KCNQ2: variants seen among roughly 807,000 people sequenced by gnomAD.
KCNQ2 encodes potassium voltage-gated channel subfamily KQT member 2.
Under a neutral mutation model 84.8 loss-of-function variants are expected in KCNQ2, and 14 were observed. That is an observed-to-expected ratio of 0.17 (90% CI 0.11 to 0.26). The LOEUF (loss-of-function observed/expected upper bound fraction) is 0.26. Ranked by LOEUF, KCNQ2 falls within the 10% of genes least tolerant of loss-of-function variation. The probability of loss-of-function intolerance (pLI) is 1.00; values close to 1 mark genes in which losing one functional copy is unlikely to be tolerated. For missense variants in KCNQ2, 788 were observed against 1,254.0 expected, an observed-to-expected ratio of 0.63 and a Z score of 5.61; for synonymous variants, 599 against 554.1, an observed-to-expected ratio of 1.08 and a Z score of -1.14.
chr20:63,442,291 G>C, intron 5 of KCNQ2, 115 bp downstream of exon 5: 1 of 1,270,854 alleles, frequency 7.9e-7, no homozygotes, highest in Non-Finnish European at 1.1e-6. Flanking sequence ...CGGGCAGCCA[G>C]CAGGTGGCCC....
Position 63,446,839 on chromosome 20 carries a change from TG to T in KCNQ2, c.297-3del, listed in dbSNP as rs2145790004. 1 of 1,613,250 alleles carries T rather than the reference TG, an allele frequency of 6.2e-7. No homozygotes were observed. The highest frequency in any genetic ancestry group is 8.5e-7 in the Non-Finnish European group (1 of 1,179,820). The stretch of plus-strand genomic sequence containing the variant: ...AGGCAGGAGAAAACCAGGAGGAACC[TG>T]GGGGCAGGGAACGCGCGCTCTCAGA... On this transcript the variant is annotated splice_region_variant and splice_polypyrimidine_tract_variant and intron_variant, in intron 1 of 16. Coordinates refer to ENST00000359125, the MANE Select transcript of KCNQ2 (RefSeq NM_172107.4). This position sits in a 1 kb window ranked among gnomAD's most constrained non-coding sequence, Gnocchi z 5.5.
At chr20:63,419,276 G>A (rs1044078690) in intron 12 of KCNQ2, among the ~76,000 whole-genome samples, 2 of 152,202 alleles carry the variant, frequency 1.3e-5, no homozygotes, top group African/African-American at 4.8e-5. Context: ...CGCAGCAGAG[G>A]TGCTAGAGTG....
rs972798613 is a variant in KCNQ2 at position 63,425,867 on chromosome 20, A to G, written c.1218-1661T>C. Among the ~76,000 whole-genome samples, 4 of 152,226 alleles carry G rather than the reference A, an allele frequency of 2.6e-5. No individual in the cohort carries two copies. Among genetic ancestry groups the G allele is most frequent in the Non-Finnish European group, 4.4e-5 (3 of 68,040 alleles). ...TCCTCCATGCATGGGCTTGTGAACT[A>G]GAAAACAAGCCATCTGCTTAAAGTA... On this transcript the variant is annotated intron_variant, in intron 10 of 16. Coordinates refer to ENST00000359125, the MANE Select transcript of KCNQ2 (RefSeq NM_172107.4). This position sits in a 1 kb window ranked among gnomAD's most constrained non-coding sequence, Gnocchi z 5.5.
At chr20:63,413,660 T>C in intron 14 of KCNQ2, 79 bp from the exon 15 acceptor site, 1 of 1,548,906 alleles carries the variant, frequency 6.5e-7, no homozygotes, top group Non-Finnish European at 8.9e-7. Context: ...CTAGCACCTC[T>C]GAGACCTCGG....
intron 1 of KCNQ2, among the ~76,000 whole-genome samples, chr20:63,454,052 A>G (rs991634061): frequency 3.3e-5 from 5 of 152,200 alleles, no homozygotes; most frequent in African/African-American, 1.2e-4. Flanking sequence ...GGCATCTCAG[A>G]GCATTCCAGA....
intron 4 of KCNQ2, among the ~76,000 whole-genome samples, chr20:63,443,018 ACCAC>A (rs2081264385): frequency 1.1e-5 from 1 of 93,072 alleles, no homozygotes; most frequent in African/African-American, 4.4e-5. Context: ...CACCATCACC[ACCAC>A]CATCACATCA....
chr20:63,469,551 T>C (rs2082159148), intron 1 of KCNQ2, among the ~76,000 whole-genome samples: 1 of 152,240 alleles, frequency 6.6e-6, no homozygotes. Context: ...AGACAGTGGC[T>C]ACCCCGGGTC....
Position 63,400,784 on chromosome 20 carries a change from T to C in KCNQ2, c.*5860A>G. On this transcript the variant is annotated 3_prime_UTR_variant, in exon 17 of 17. Transcript: ENST00000359125. The surrounding 1 kb of genome is among the most constrained non-coding windows in gnomAD (Gnocchi z 8.7). ...AGCGGGACCACCAGCTCTGGGCGCCTCAGTGCGAGACCCCTCCGTGAGACC... is the reference window on the plus strand; with the variant it reads ...AGCGGGACCACCAGCTCTGGGCGCCCCAGTGCGAGACCCCTCCGTGAGACC... 2.5e-6 allele frequency: 1 copy of C among 398,402 alleles called. No homozygotes were observed. 24.7% of individuals were successfully genotyped at this position (398,402 alleles called of 1,614,324 possible).
chr20:63,465,925 C>T (rs562461260), intron 1 of KCNQ2, among the ~76,000 whole-genome samples: 2 of 152,328 alleles, frequency 1.3e-5, no homozygotes, highest in East Asian at 3.9e-4. Flanking sequence ...CTGAGGCGTC[C>T]CGGCGGGTCC....
intron 7 of KCNQ2, among the ~76,000 whole-genome samples, chr20:63,436,663 G>T (rs943756105): frequency 4.6e-5 from 7 of 152,038 alleles, no homozygotes; most frequent in Non-Finnish European, 1.0e-4. Flanking sequence ...GTGATTGTTA[G>T]TATTTTTTTA....
At chr20:63,453,350 C>T (rs1049828699) in intron 1 of KCNQ2, among the ~76,000 whole-genome samples, 1 of 152,190 alleles carries the variant, frequency 6.6e-6, no homozygotes, top group African/African-American at 2.4e-5. Flanking sequence ...GGTGCCGAGG[C>T]CCAGGCAGAC....
chr20:63,431,299 A>G, intron 9 of KCNQ2, 41 bp downstream of exon 9: 1 of 1,609,660 alleles, frequency 6.2e-7, no homozygotes. Context: ...CAGAACTAGA[A>G]CCACACACAC....
rs967377821 is a variant in KCNQ2 at position 63,400,951 on chromosome 20, A to T, written c.*5693T>A. 1.3e-5 allele frequency: 5 copies of T among 397,970 alleles called. No homozygotes were observed. The highest frequency in any genetic ancestry group is 2.2e-5 in the Non-Finnish European group (5 of 225,708). 24.7% of individuals were successfully genotyped at this position (397,970 alleles called of 1,614,324 possible). Reference sequence around the variant, plus strand: ...AGGGAGTTCCTGTCCACATGCATTAAGGCAACGACTTTGTAAAACCCAGGC... The same window carrying T: ...AGGGAGTTCCTGTCCACATGCATTATGGCAACGACTTTGTAAAACCCAGGC... On this transcript the variant is annotated 3_prime_UTR_variant, in exon 17 of 17. Coordinates refer to ENST00000359125, the MANE Select transcript of KCNQ2 (RefSeq NM_172107.4). The surrounding 1 kb of genome is among the most constrained non-coding windows in gnomAD (Gnocchi z 8.7).
intron 1 of KCNQ2, among the ~76,000 whole-genome samples, chr20:63,461,979 A>T (rs4809567): frequency 0.024 from 1,245 of 51,900 alleles, no homozygotes; most frequent in East Asian, 0.096. Context: ...GGGAGGAGGC[A>T]GCACCTACCC....
intron 12 of KCNQ2, among the ~76,000 whole-genome samples, chr20:63,419,413 CAAG>C (rs1216108120): frequency 5.3e-5 from 8 of 152,320 alleles, no homozygotes; most frequent in East Asian, 3.9e-4. Context: ...GCGTGGGGAG[CAAG>C]AAGAAGCACC....
chr20:63,426,770 C>A (rs890554648), intron 10 of KCNQ2, among the ~76,000 whole-genome samples: 23 of 152,266 alleles, frequency 1.5e-4, no homozygotes, highest in African/African-American at 5.3e-4. Context: ...ATCCTCACTT[C>A]CTCCTGAGCC....
Position 63,408,746 on chromosome 20 carries a change from G to C in KCNQ2, c.1764-210C>G, listed in dbSNP as rs369599954. On this transcript the variant is annotated intron_variant, in intron 15 of 16. Coordinates refer to ENST00000359125, the MANE Select transcript of KCNQ2 (RefSeq NM_172107.4). The surrounding 1 kb of genome is among the most constrained non-coding windows in gnomAD (Gnocchi z 5.0). The stretch of plus-strand genomic sequence containing the variant: ...GCACCGTGAGGTTCTGCTCCTGCCC[G>C]CTCTGTCCCCAAGGGGCCTGGCACA... Among the ~76,000 whole-genome samples the C allele has an allele frequency of 5.9e-5, 9 of 152,184 alleles. No homozygotes were observed. Among genetic ancestry groups the C allele is most frequent in the African/African-American group, 1.9e-4 (8 of 41,440 alleles).
Position 63,438,889 on chromosome 20 carries a change from A to C in KCNQ2, c.928-169T>G, listed in dbSNP as rs2081080747. Among the ~76,000 whole-genome samples, 1 of 141,276 alleles carries C rather than the reference A, an allele frequency of 7.1e-6. No homozygotes were observed. Among genetic ancestry groups the C allele is most frequent in the African/African-American group, 2.6e-5 (1 of 38,068 alleles). The allele number at this position is 141,276 out of a possible 152,430, so 92.7% of individuals were successfully genotyped here. ...ATCAGGGTCAGACCACGCCCCAGGG[A>C]CTCACACACCCCCCAGTTCATCAGG... On this transcript the variant is annotated intron_variant, in intron 6 of 16. Coordinates refer to ENST00000359125, the MANE Select transcript of KCNQ2 (RefSeq NM_172107.4). This position sits in a 1 kb window ranked among gnomAD's most constrained non-coding sequence, Gnocchi z 5.1.
At chr20:63,449,483 C>A (rs570027169) in intron 1 of KCNQ2, among the ~76,000 whole-genome samples, 1 of 152,288 alleles carries the variant, frequency 6.6e-6, no homozygotes, top group African/African-American at 2.4e-5. Context: ...CCTCGATGTG[C>A]GGAGCTATTT....
Sources: allele counts gnomAD v4.1 joint callset (sites outside exome capture counted in the v4.1 genomes callset), GRCh38; gene constraint gnomAD v4.1.1; non-coding constraint Gnocchi (gnomAD v3.1); transcripts MANE v1.5; gene names NCBI Gene and HGNC (gene_info 2026-07-23, HGNC 2026-07-21).